The following SFTPD variants were observed in gnomAD, a reference collection of about 807,000 sequenced individuals.
The protein encoded by SFTPD is pulmonary surfactant-associated protein D.
A neutral mutation model predicts 34.6 loss-of-function variants in SFTPD; 18 were observed. The observed-to-expected ratio is 0.52, with a 90% CI of 0.36 to 0.77. The LOEUF is 0.77. SFTPD is among the 30% of genes least tolerant of loss of function. The probability of loss-of-function intolerance (pLI) is 0.00; values close to 1 mark genes in which losing one functional copy is unlikely to be tolerated. For synonymous variants in SFTPD, 155 were observed against 180.9 expected (o/e 0.86, Z 1.15); for missense variants, 433 against 468.9 (o/e 0.92, Z 0.71).
At chr10:79,981,253 TG>T (rs749005044) in intron 1 of SFTPD, among the ~76,000 whole-genome samples, 39 of 151,966 alleles carry the variant, frequency 2.6e-4, no homozygotes, top group Non-Finnish European at 3.7e-4. Context: ...TTAGTCAGCT[TG>T]AAGACAGGCT....
At chr10:79,941,320 C>G (rs549907955) in intron 6 of SFTPD, 78 bp downstream of exon 6, 3 of 1,275,784 alleles carry the variant, frequency 2.4e-6, no homozygotes, top group South Asian at 1.2e-5. Flanking sequence ...AGAGCCCCTC[C>G]TCTGGGATGA....
upstream of SFTPD, among the ~76,000 whole-genome samples, chr10:79,952,916 G>A (rs182644769): frequency 4.7e-4 from 71 of 152,332 alleles, 1 homozygote; most frequent in South Asian, 1.7e-3. Flanking sequence ...AACAAGTTCA[G>A]CAGTCCATAG....
At chr10:79,947,793 A>G (rs1842680491) in intron 1 of SFTPD, among the ~76,000 whole-genome samples, 1 of 152,244 alleles carries the variant, frequency 6.6e-6, no homozygotes, top group South Asian at 2.1e-4. Flanking sequence ...CCAACAGGGC[A>G]CCCATTTACT....
At chr10:79,949,610 G>A (rs767170944), upstream of SFTPD, among the ~76,000 whole-genome samples, 1 of 152,224 alleles carries the variant, frequency 6.6e-6, no homozygotes, top group Non-Finnish European at 1.5e-5. Flanking sequence ...AGCAGCATGT[G>A]GGGGCAGCAG....
chr10:79,959,442 A>G (rs999642972), intron 1 of SFTPD, among the ~76,000 whole-genome samples: 20 of 152,206 alleles, frequency 1.3e-4, no homozygotes, highest in African/African-American at 4.3e-4. Context: ...AATAGACGCA[A>G]TAAAAAATGA....
intron 1 of SFTPD, among the ~76,000 whole-genome samples, chr10:79,961,229 G>A (rs1358416317): frequency 1.3e-5 from 2 of 152,152 alleles, no homozygotes; most frequent in Non-Finnish European, 2.9e-5. Context: ...TCAGGACATA[G>A]GCTTGGGCAA....
intron 1 of SFTPD, among the ~76,000 whole-genome samples, chr10:79,964,380 A>C (rs1310912354): frequency 6.6e-6 from 1 of 152,206 alleles, no homozygotes; most frequent in Non-Finnish European, 1.5e-5. Context: ...TCAGGGCAGC[A>C]CTTATACTGA....
chr10:79,942,143 G>T, intron 4 of SFTPD, 73 bp from the exon 5 acceptor site: 1 of 1,122,940 alleles, frequency 8.9e-7, no homozygotes, highest in Non-Finnish European at 1.3e-6. Context: ...TAGCAATGGA[G>T]CTTTTTGCCC....
At chr10:79,962,439 A>T (rs1006558264) in intron 1 of SFTPD, among the ~76,000 whole-genome samples, 2 of 152,128 alleles carry the variant, frequency 1.3e-5, no homozygotes, top group Admixed American at 1.3e-4. Flanking sequence ...GAATATTTTT[A>T]TATATACTTA....
At chr10:79,941,602 T>C (rs1392246413) in intron 5 of SFTPD, 88 bp from the exon 6 acceptor site, 2 of 979,744 alleles carry the variant, frequency 2.0e-6, no homozygotes, top group East Asian at 2.4e-5. Flanking sequence ...ATGGACTAAC[T>C]ATCCTTATTG....
chr10:79,939,333 C>T lies in SFTPD; in HGVS notation c.752-1105G>A, dbSNP rs543797803. Among the ~76,000 whole-genome samples the T allele has an allele frequency of 9.2e-5, 14 of 152,348 alleles. No homozygotes were observed. The East Asian group carries it at 1.7e-3, about 19-fold the overall frequency. On this transcript the variant is annotated intron_variant, in intron 7 of 7. Transcript: ENST00000372292. ...GAATGCAGGCTGCACCCTGACTCAT[C>T]GTCCTTAAGATTCTCCATGGGCTCA...
chr10:79,945,125 T>G (rs1350453339), intron 2 of SFTPD, among the ~76,000 whole-genome samples: 1 of 152,092 alleles, frequency 6.6e-6, no homozygotes, highest in Non-Finnish European at 1.5e-5. Context: ...AAGCCAGGCC[T>G]GGAATGTGCA....
chr10:79,962,510 A>G (rs1842779449), intron 1 of SFTPD, among the ~76,000 whole-genome samples: 2 of 152,148 alleles, frequency 1.3e-5, no homozygotes, highest in Admixed American at 6.6e-5. Context: ...TTCCTTATTA[A>G]TAGCTTTATA....
At chr10:79,971,539 T>TAGAA (rs1842835047) in intron 1 of SFTPD, 1 of 152,196 alleles carries the variant, frequency 6.6e-6, no homozygotes, top group East Asian at 1.9e-4. Context: ...TTGTAGCTCG[T>TAGAA]AATTGGTCTG....
At chr10:79,946,402 T>C in intron 2 of SFTPD, 59 bp downstream of exon 2, 2 of 1,270,588 alleles carry the variant, frequency 1.6e-6, no homozygotes, top group Non-Finnish European at 2.3e-6. Context: ...GTTGCTGGGC[T>C]AGTTACAGTT....
At chr10:79,956,505 C>A (rs1842739675) in intron 1 of SFTPD, among the ~76,000 whole-genome samples, 1 of 152,258 alleles carries the variant, frequency 6.6e-6, no homozygotes, top group African/African-American at 2.4e-5. Context: ...GAGATTATAT[C>A]CCGCACCTGG....
chr10:79,957,757 G>A (rs377387230), intron 1 of SFTPD, among the ~76,000 whole-genome samples: 1 of 152,162 alleles, frequency 6.6e-6, no homozygotes. Context: ...CTTCCCCAAT[G>A]TAGCAAGGCA....
At chr10:79,955,068 G>T (rs767513452) in intron 1 of SFTPD, among the ~76,000 whole-genome samples, 1 of 152,142 alleles carries the variant, frequency 6.6e-6, no homozygotes, top group African/African-American at 2.4e-5. Flanking sequence ...AGAGCTTGGG[G>T]CCTTCGCAGC....
Position 79,942,062 on chromosome 10 carries a change from CT to C in SFTPD, c.441del (p.Gly148ValfsTer56). 2.5e-6 allele frequency: 4 copies of C among 1,609,722 alleles called. 1 individual carries two copies. In the Middle Eastern group the frequency reaches 6.6e-4, roughly 266 times the overall value. ...GCCGAGCCCTGCATGCCTGGGGCAC[CT>C]ACTTCTCCTGAAGAAGGAACACACA... is the stretch of plus-strand genomic sequence containing the variant. ...PKGEAGPKGE[V>X]GAPGMQGSAG... is the part of the protein sequence containing the mutation. On this transcript the variant is annotated frameshift_variant, in exon 5 of 8. Coordinates refer to ENST00000372292, the MANE Select transcript of SFTPD (RefSeq NM_003019.5). LOFTEE classifies it high-confidence loss of function.
Sources: allele counts gnomAD v4.1 joint callset (sites outside exome capture counted in the v4.1 genomes callset), GRCh38; gene constraint gnomAD v4.1.1; transcripts MANE v1.5; gene names NCBI Gene and HGNC (gene_info 2026-07-23, HGNC 2026-07-21).